MICAL2: variants seen among roughly 807,000 people sequenced by gnomAD.
MICAL2 encodes the protein microtubule associated monooxygenase, calponin and LIM domain containing 2.
MICAL2 carries 77 observed loss-of-function variants against 127.3 expected under a neutral mutation model. The observed-to-expected ratio is 0.60, with a 90% CI of 0.50 to 0.73. The LOEUF is 0.73. Ranked by LOEUF, MICAL2 falls within the 30% of genes least tolerant of loss-of-function variation. The pLI is 0.00. For synonymous variants in MICAL2, 570 were observed against 551.1 expected (o/e 1.03, Z -0.48); for missense variants, 1,351 against 1,434.4 (o/e 0.94, Z 0.94).
At chr11:12,195,454 A>G (rs900174444) in intron 3 of MICAL2, among the ~76,000 whole-genome samples, 9 of 152,182 alleles carry the variant, frequency 5.9e-5, no homozygotes, top group African/African-American at 1.9e-4. Context: ...GGAGAACAAA[A>G]TCTAATCATA....
intron 33 of MICAL2, among the ~76,000 whole-genome samples, chr11:12,352,488 C>T (rs542283529): frequency 1.2e-3 from 187 of 152,284 alleles, no homozygotes; most frequent in African/African-American, 4.3e-3. Context: ...CTGCAGCTTC[C>T]CCGGTCAACG....
At chr11:12,260,776 C>T (rs947482411) in intron 26 of MICAL2, 113 of 985,278 alleles carry the variant, frequency 1.1e-4, no homozygotes, top group Non-Finnish European at 1.4e-4. Flanking sequence ...GTTATCTGTC[C>T]CCCTGGGAGG....
intron 33 of MICAL2, among the ~76,000 whole-genome samples, chr11:12,352,311 A>G (rs1368832731): frequency 6.6e-6 from 1 of 152,244 alleles, no homozygotes; most frequent in Non-Finnish European, 1.5e-5. Flanking sequence ...GTGAAAATAA[A>G]GATGGATAAG....
intron 32 of MICAL2, among the ~76,000 whole-genome samples, chr11:12,332,324 G>T (rs534490643): frequency 6.6e-6 from 1 of 152,204 alleles, no homozygotes; most frequent in East Asian, 1.9e-4. Flanking sequence ...CAGAGCAGGG[G>T]AAGGGTTGAG....
At chr11:12,279,289 T>C (rs1863748908) in intron 1 of MICAL2, among the ~76,000 whole-genome samples, 1 of 152,080 alleles carries the variant, frequency 6.6e-6, no homozygotes, top group Non-Finnish European at 1.5e-5. Flanking sequence ...ATTGTTAACT[T>C]GGACAAAGTG....
Position 12,245,727 on chromosome 11 carries a change from G to A in MICAL2, c.2784+1615G>A, listed in dbSNP as rs571510893. ...TCCTCCTCAGTAAGAGTGGTTCTGG[G>A]CTCATGTTACAGTGAGCAACATGGG... On this transcript the variant is annotated intron_variant, in intron 21 of 27. Transcript: ENST00000683283. Among the ~76,000 whole-genome samples the A allele has an allele frequency of 8.5e-5, 13 of 152,360 alleles. No homozygotes were observed. In the East Asian group the frequency reaches 2.3e-3, roughly 27 times the overall value.
At chr11:12,252,253 A>G (rs1861648047) in intron 22 of MICAL2, among the ~76,000 whole-genome samples, 1 of 152,222 alleles carries the variant, frequency 6.6e-6, no homozygotes, top group African/African-American at 2.4e-5. Context: ...CAGGGGCTAA[A>G]TTTCTTGGCA....
intron 33 of MICAL2, among the ~76,000 whole-genome samples, chr11:12,353,902 G>A (rs1391712655): frequency 1.3e-5 from 2 of 152,162 alleles, no homozygotes; most frequent in Admixed American, 1.3e-4. Flanking sequence ...CACAGTCAGA[G>A]ACTTGGGCAT....
chr11:12,304,384 A>T (rs1329299626), intron 29 of MICAL2, among the ~76,000 whole-genome samples: 1 of 152,084 alleles, frequency 6.6e-6, no homozygotes. Flanking sequence ...TAATCCCAGC[A>T]CTTTGGGAGG....
intron 3 of MICAL2, among the ~76,000 whole-genome samples, chr11:12,202,874 C>G (rs983017575): frequency 6.6e-6 from 1 of 152,178 alleles, no homozygotes; most frequent in Non-Finnish European, 1.5e-5. Context: ...TGCAACATCA[C>G]CATTATCTAA....
chr11:12,330,124 C>G (rs1490058491), intron 32 of MICAL2, among the ~76,000 whole-genome samples: 1 of 152,116 alleles, frequency 6.6e-6, no homozygotes, highest in Non-Finnish European at 1.5e-5. Flanking sequence ...GCCTCAAAAG[C>G]AACCAAATGG....
chr11:12,204,203 T>C (rs375365130), intron 3 of MICAL2, 47 bp from the exon 4 acceptor site: 115 of 1,572,140 alleles, frequency 7.3e-5, no homozygotes, highest in Admixed American at 3.4e-5. Context: ...TTCGTGTCTG[T>C]GATGCTAGAG....
rs1041674458 is a variant in MICAL2 at position 12,173,616 on chromosome 11, C to T, written c.264+11197C>T. On this transcript the variant is annotated intron_variant, in intron 3 of 27. Coordinates refer to ENST00000683283, the MANE Select transcript of MICAL2 (RefSeq NM_001282663.2). ...GCGGCATTAATTACATTCTGGATGA[C>T]GTACAACCATCACCGCTTCCTGTTT... Among the ~76,000 whole-genome samples, 3 of 152,192 alleles carry T rather than the reference C, an allele frequency of 2.0e-5. No homozygotes were observed. In the South Asian group the frequency reaches 6.2e-4, roughly 31 times the overall value.
rs148959239 is a variant in MICAL2, at chr11:12,303,203, G to A, written c.5212+8346G>A. 4.3e-3 allele frequency among the ~76,000 whole-genome samples: 657 copies of A among 152,274 alleles called. 4 individuals are homozygous for A. Among genetic ancestry groups the A allele is most frequent in the African/African-American group, 0.015 (640 of 41,560 alleles). On this transcript the variant is annotated intron_variant, in intron 29 of 34. Coordinates refer to the MICAL2 transcript ENST00000646065. ...TTACAGTTCAAGGTGAGATTTGGGT[G>A]GGGACATGGAGCCAAACAATATCAC...
chr11:12,242,488 C>T, intron 19 of MICAL2, 56 bp downstream of exon 19: 4 of 1,542,020 alleles, frequency 2.6e-6, no homozygotes, highest in Non-Finnish European at 3.5e-6. Flanking sequence ...TTCCTTTCTT[C>T]CCCTCCCTCC....
intron 22 of MICAL2, among the ~76,000 whole-genome samples, chr11:12,251,712 C>T (rs1320111255): frequency 2.0e-5 from 3 of 152,010 alleles, no homozygotes; most frequent in East Asian, 1.9e-4. Flanking sequence ...GGATCCCCTG[C>T]GCAGATGACC....
chr11:12,352,223 T>TA (rs1330208677), intron 33 of MICAL2, among the ~76,000 whole-genome samples: 2 of 152,222 alleles, frequency 1.3e-5, no homozygotes, highest in African/African-American at 4.8e-5. Context: ...TGATAAATTG[T>TA]AAAAACGTAA....
intron 22 of MICAL2, among the ~76,000 whole-genome samples, chr11:12,251,626 G>T (rs1861569882): frequency 6.6e-6 from 1 of 150,672 alleles, no homozygotes; most frequent in Non-Finnish European, 1.5e-5. Context: ...CTCTCGGGGT[G>T]GATGTGTGGG....
Position 12,338,715 on chromosome 11 carries a change from G to A in MICAL2, c.5516-11123G>A, listed in dbSNP as rs1938809570. ...ATTTTATTTCTCCTTCACTTATGAA[G>A]CTTAGTTTGGCTGGATATGAAATTC... On this transcript the variant is annotated intron_variant, in intron 32 of 34. Coordinates refer to the MICAL2 transcript ENST00000646065. Among the ~76,000 whole-genome samples, 2 of 152,088 alleles carry A rather than the reference G, an allele frequency of 1.3e-5. 1 individual carries two copies. Among genetic ancestry groups the A allele is most frequent in the South Asian group, 4.1e-4 (2 of 4,830 alleles).
Sources: allele counts gnomAD v4.1 joint callset (sites outside exome capture counted in the v4.1 genomes callset), GRCh38; gene constraint gnomAD v4.1.1; transcripts MANE v1.5; gene names NCBI Gene and HGNC (gene_info 2026-07-23, HGNC 2026-07-21).